The following SH3BP5L variants were observed in gnomAD, a reference collection of about 807,000 sequenced individuals.
SH3BP5L encodes SH3 binding domain protein 5 like.
SH3BP5L carries 16 observed loss-of-function variants against 40.9 expected under a neutral mutation model. That is an observed-to-expected ratio of 0.39 (90% CI 0.27 to 0.59). SH3BP5L has a LOEUF of 0.59. Among genes scored for constraint, SH3BP5L ranks in the 20% least tolerant of loss-of-function variants. The pLI is 0.53. For synonymous variants in SH3BP5L, 229 were observed against 226.7 expected (o/e 1.01, Z -0.09); for missense variants, 471 against 544.6 (o/e 0.86, Z 1.35).
rs1180077336 is a variant in SH3BP5L at position 248,812,288 on chromosome 1, T to C, written c.794A>G (p.Glu265Gly). The change falls in exon 7 of 7, where the codon GAG becomes GGG. Residue 265 changes from glutamate (E) to glycine (G), a missense_variant. By Grantham distance (98) the Glu-to-Gly change is moderately conservative. Coordinates refer to ENST00000366472, the MANE Select transcript of SH3BP5L (RefSeq NM_030645.3). The surrounding 1 kb of genome is among the most constrained non-coding windows in gnomAD (Gnocchi z 6.1). ...TRYSVALRNLEQISEQIHARR... is the reference protein window; with the variant it reads ...TRYSVALRNLGQISEQIHARR... ...TGCGTGAATCTGCTCGCTGATCTGC[T>C]CCAGGTTACGAAGGGCCACGGAGTA... 1.9e-6 allele frequency: 3 copies of C among 1,612,074 alleles called. No homozygotes were observed. The highest frequency in any genetic ancestry group is 2.5e-6 in the Non-Finnish European group (3 of 1,179,988).
chr1:248,811,812 C>G lies in SH3BP5L; in HGVS notation c.*88G>C. 1.0e-6 allele frequency: 1 copy of G among 1,000,672 alleles called. No individual in the cohort carries two copies. The allele number at this position is 1,000,672 out of a possible 1,614,324, so 62.0% of individuals were successfully genotyped here. On this transcript the variant is annotated 3_prime_UTR_variant, in exon 7 of 7. Transcript: ENST00000366472. ...CTGGAGAAGGGGACCTTCGGGAAGACGAGGCCCCAGAGGAGAGGGCGTGAG... is the reference window on the plus strand; with the variant it reads ...CTGGAGAAGGGGACCTTCGGGAAGAGGAGGCCCCAGAGGAGAGGGCGTGAG...
rs1008794116 is a variant in SH3BP5L at position 248,825,198 on chromosome 1, G to A, written c.-263C>T. On this transcript the variant is annotated 5_prime_UTR_variant, in exon 2 of 7. Coordinates refer to ENST00000366472, the MANE Select transcript of SH3BP5L (RefSeq NM_030645.3). ...CAGGGAGTCCACTGTGACAAACCCG[G>A]AGCAACAGCTCCAAGGCAGGGGGCA... 10 of 1,223,100 alleles carry A rather than the reference G, an allele frequency of 8.2e-6. No individual in the cohort carries two copies. In the Admixed American group the frequency reaches 1.2e-4, roughly 15 times the overall value. The allele number at this position is 1,223,100 out of a possible 1,614,324, so 75.8% of individuals were successfully genotyped here.
chr1:248,818,542 C>A (rs528882154), intron 2 of SH3BP5L, among the ~76,000 whole-genome samples: 5 of 152,134 alleles, frequency 3.3e-5, no homozygotes, highest in Non-Finnish European at 2.9e-5. Flanking sequence ...TGACCATGAC[C>A]GCAGGTCCCT....
At chr1:248,818,327 G>A (rs1363906218) in intron 2 of SH3BP5L, among the ~76,000 whole-genome samples, 2 of 151,262 alleles carry the variant, frequency 1.3e-5, no homozygotes, top group Non-Finnish European at 2.9e-5. Context: ...CAGCCTAGGC[G>A]ACACAGTGAG....
Position 248,812,307 on chromosome 1 carries a change from C to T in SH3BP5L, c.775G>A (p.Val259Met), listed in dbSNP as rs770555605. 8 of 1,611,172 alleles carry T rather than the reference C, an allele frequency of 5.0e-6. No homozygotes were observed. The highest frequency in any genetic ancestry group is 6.8e-6 in the Non-Finnish European group (8 of 1,179,994). ...QVAQAKTRYS[V>M]ALRNLEQISE... is the part of the protein sequence containing the mutation. ...ATCTGCTCCAGGTTACGAAGGGCCA[C>T]GGAGTAGCGCGTCTTGGCCTGAGCT... The change falls in exon 7 of 7, where the codon GTG becomes ATG. Residue 259 changes from valine (V) to methionine (M), a missense_variant. Val to Met is a conservative substitution (Grantham distance 21). Around this residue, in one of 2 missense-constraint regions of SH3BP5L, gnomAD observed 275 missense variants for 370.1 expected, o/e 0.74. Transcript: ENST00000366472. This position sits in a 1 kb window ranked among gnomAD's most constrained non-coding sequence, Gnocchi z 6.1.
In SH3BP5L at chr1:248,812,009, G is replaced by T; in HGVS notation, c.1073C>A (p.Ser358Ter). The T allele has an allele frequency of 1.2e-6, 2 of 1,610,498 alleles. No individual in the cohort carries two copies. The highest frequency in any genetic ancestry group is 1.1e-5 in the South Asian group (1 of 90,424). ...CDSVEHLRGL[S>*]DHVSLDGQEL... is the part of the protein sequence containing the mutation. The stretch of plus-strand genomic sequence containing the variant: ...TTGGCCGTCCAGACTGACGTGGTCC[G>T]AGAGGCCTCGCAAGTGCTCCACGGA... The change falls in exon 7 of 7, where the codon TCG becomes TAG. Residue 358 changes from serine to a stop codon, truncating the protein, a stop_gained. Coordinates refer to ENST00000366472, the MANE Select transcript of SH3BP5L (RefSeq NM_030645.3). LOFTEE classifies it high-confidence loss of function. This position sits in a 1 kb window ranked among gnomAD's most constrained non-coding sequence, Gnocchi z 6.1.
Position 248,825,139 on chromosome 1 carries a change from C to G in SH3BP5L, c.-204G>C. The G allele has an allele frequency of 7.3e-7, 1 of 1,363,642 alleles. No homozygotes were observed. Among genetic ancestry groups the G allele is most frequent in the Non-Finnish European group, 9.4e-7 (1 of 1,061,714 alleles). 84.5% of individuals were successfully genotyped at this position (1,363,642 alleles called of 1,614,324 possible). On this transcript the variant is annotated 5_prime_UTR_variant, in exon 2 of 7. Transcript: ENST00000366472. ...GTCAGTGGGGTTCCTAGAGCTGAAG[C>G]CTTGTCTGTGCAAAAGTTCTTCCCT...
chr1:248,820,313 C>G (rs1406339474), intron 2 of SH3BP5L: 1 of 152,242 alleles, frequency 6.6e-6, no homozygotes, highest in African/African-American at 2.4e-5. Context: ...TTTCACAGTG[C>G]CTTCCGAACA....
chr1:248,824,215 C>G (rs1374976042), intron 2 of SH3BP5L, among the ~76,000 whole-genome samples: 3 of 152,176 alleles, frequency 2.0e-5, no homozygotes, highest in Non-Finnish European at 4.4e-5. Flanking sequence ...GTTGATGCTA[C>G]CTTTATAACA....
chr1:248,819,881 A>G (rs1298482299), intron 2 of SH3BP5L, among the ~76,000 whole-genome samples: 1 of 152,198 alleles, frequency 6.6e-6, no homozygotes, highest in African/African-American at 2.4e-5. Flanking sequence ...CAGAAACGTA[A>G]CAGGAGCTGC....
intron 2 of SH3BP5L, among the ~76,000 whole-genome samples, chr1:248,823,830 G>A (rs1347435959): frequency 6.6e-6 from 1 of 152,240 alleles, no homozygotes; most frequent in Non-Finnish European, 1.5e-5. Context: ...CAACATCAGA[G>A]TCTTGGAGAT....
In SH3BP5L at chr1:248,812,248, A is replaced by AC. The variant is rs1663965536; in HGVS notation, c.833dup (p.Leu279SerfsTer31). The AC allele has an allele frequency of 2.5e-6, 4 of 1,610,308 alleles. No homozygotes were observed. The highest frequency in any genetic ancestry group is 1.7e-5 in the Admixed American group (1 of 59,848). ...GAGGGCCCAGGGGGTGGGGAGGCAG[A>AC]CCCCCGCGGCGCCGTGCGTGAATCT... On this transcript the variant is annotated frameshift_variant, in exon 7 of 7. Coordinates refer to ENST00000366472, the MANE Select transcript of SH3BP5L (RefSeq NM_030645.3). LOFTEE classifies it high-confidence loss of function. This position sits in a 1 kb window ranked among gnomAD's most constrained non-coding sequence, Gnocchi z 6.1.
In SH3BP5L at chr1:248,825,312, T is replaced by C. The variant is rs1664351163; in HGVS notation, c.-377A>G. The C allele has an allele frequency of 9.9e-7, 1 of 1,014,616 alleles. No individual in the cohort carries two copies. Among genetic ancestry groups the C allele is most frequent in the Non-Finnish European group, 1.2e-6 (1 of 848,452 alleles). 62.9% of individuals were successfully genotyped at this position (1,014,616 alleles called of 1,614,324 possible). A position where few individuals can be genotyped will look rare whatever the true frequency, so the allele number is the denominator to read the frequency against. On this transcript the variant is annotated 5_prime_UTR_variant, in exon 2 of 7. Transcript: ENST00000366472. ...GGCGCCTCCAGGCTGTGGTGGCAGC[T>C]GGAGAGAGAAGGCTGGGCCCGAGCT...
intron 2 of SH3BP5L, among the ~76,000 whole-genome samples, chr1:248,824,000 C>A (rs1268743863): frequency 6.6e-6 from 1 of 152,214 alleles, no homozygotes; most frequent in African/African-American, 2.4e-5. Context: ...TGGAGTTGGT[C>A]TTCCTCACTG....
chr1:248,812,972 C>T lies in SH3BP5L; in HGVS notation c.711+17G>A. The T allele has an allele frequency of 1.3e-6, 2 of 1,561,352 alleles. No individual in the cohort carries two copies. Among genetic ancestry groups the T allele is most frequent in the Non-Finnish European group, 1.7e-6 (2 of 1,146,914 alleles). On this transcript the variant is annotated intron_variant, in intron 6 of 6. Transcript: ENST00000366472. The surrounding 1 kb of genome is among the most constrained non-coding windows in gnomAD (Gnocchi z 6.1). ...CCCCACCTACCCATTCCTCCTCCCCCTCACCCACTCAGCTACCTCCAGGAT... is the reference window on the plus strand; with the variant it reads ...CCCCACCTACCCATTCCTCCTCCCCTTCACCCACTCAGCTACCTCCAGGAT...
chr1:248,813,382 C>T (rs1175296709), intron 5 of SH3BP5L: 1 of 427,378 alleles, frequency 2.3e-6, no homozygotes, highest in South Asian at 7.3e-5. Context: ...GCCTGACCGT[C>T]GAGGACCACA....
At chr1:248,824,695 C>T in intron 2 of SH3BP5L, 58 bp downstream of exon 2, 1 of 1,586,938 alleles carries the variant, frequency 6.3e-7, no homozygotes, top group Non-Finnish European at 8.6e-7. Flanking sequence ...TCATCCAACA[C>T]TCTTCAGGGA....
chr1:248,818,021 T>G (rs1039692124), intron 2 of SH3BP5L, among the ~76,000 whole-genome samples: 1 of 151,928 alleles, frequency 6.6e-6, no homozygotes, highest in Admixed American at 6.5e-5. Context: ...CTGGTGCCAA[T>G]GTAACGAAAG....
chr1:248,825,915 C>A lies in SH3BP5L; in HGVS notation c.-512G>T. ...CCCTCCCCGCAACAAGCCGATCCAA[C>A]CAAAAACGACCAGGCAGACCAGAAG... On this transcript the variant is annotated 5_prime_UTR_variant, in exon 1 of 7. Transcript: ENST00000366472. 1.1e-6 allele frequency: 1 copy of A among 944,068 alleles called. No individual in the cohort carries two copies. Among genetic ancestry groups the A allele is most frequent in the Non-Finnish European group, 1.3e-6 (1 of 794,132 alleles). 58.5% of individuals were successfully genotyped at this position (944,068 alleles called of 1,614,324 possible). A position where few individuals can be genotyped will look rare whatever the true frequency, so the allele number is the denominator to read the frequency against.
Sources: gnomAD v4.1 joint callset for allele counts (sites outside exome capture counted in the v4.1 genomes callset) on GRCh38, gnomAD v4.1.1 for gene constraint, gnomAD v4.1.1 regional missense constraint, Gnocchi (gnomAD v3.1) non-coding constraint, MANE v1.5 for transcripts, NCBI Gene and HGNC (gene_info 2026-07-23, HGNC 2026-07-21) for gene names.